The following DMXL1 variants were observed in gnomAD, a reference collection of about 807,000 sequenced individuals.
DMXL1 encodes Dmx like 1.
Under a neutral mutation model 319.2 loss-of-function variants are expected in DMXL1, and 99 were observed. The observed-to-expected ratio is 0.31, with a 90% CI of 0.26 to 0.37. DMXL1 has a LOEUF of 0.37. Among genes scored for constraint, DMXL1 ranks in the 10% least tolerant of loss-of-function variants. The pLI is 1.00. For synonymous variants in DMXL1, 1,385 were observed against 1,235.2 expected (o/e 1.12, Z -2.54); for missense variants, 3,745 against 3,595.6 (o/e 1.04, Z -1.06).
intron 5 of DMXL1, among the ~76,000 whole-genome samples, chr5:119,111,632 T>A: frequency 6.6e-6 from 1 of 152,166 alleles, no homozygotes; most frequent in Non-Finnish European, 1.5e-5. Context: ...TCTAACCGTA[T>A]CAATAAAACA....
Position 119,216,963 on chromosome 5 carries a change from C to T in DMXL1, c.7989C>T (p.Ile2663=). Residue 2663 remains isoleucine (I), a synonymous_variant, in exon 35 of 44, where the codon ATC becomes ATT. Transcript: ENST00000539542. ...KARIIHKESD[I]ITAFAVNKAN... Reference sequence around the variant, plus strand: ...GAATTATTCATAAGGAATCTGATATCATTACTGCGTTTGCTGTTAATAAGG... The same window carrying T: ...GAATTATTCATAAGGAATCTGATATTATTACTGCGTTTGCTGTTAATAAGG... The T allele has an allele frequency of 1.3e-6, 2 of 1,594,410 alleles. No individual in the cohort carries two copies. Among genetic ancestry groups the T allele is most frequent in the Non-Finnish European group, 1.7e-6 (2 of 1,169,128 alleles).
intron 25 of DMXL1, among the ~76,000 whole-genome samples, chr5:119,174,705 TGTTTAGA>T (rs1478313871): frequency 6.6e-6 from 1 of 152,246 alleles, no homozygotes; most frequent in Non-Finnish European, 1.5e-5. Context: ...TGCCATGCCA[TGTTTAGA>T]GTCTTCTCTT....
At position 119,116,262 on chromosome 5, in the gene DMXL1, T is replaced by C. The variant is rs371015640; in HGVS notation, c.669T>C (p.Phe223=). 2.5e-6 allele frequency: 4 copies of C among 1,614,138 alleles called. No homozygotes were observed. The highest frequency in any genetic ancestry group is 3.4e-6 in the Non-Finnish European group (4 of 1,180,008). ...AACAATCCCAAGGAGAAATTGACTTTTCTTTTGTGTATCTGGCCCATCCTC... is the reference window on the plus strand; with the variant it reads ...AACAATCCCAAGGAGAAATTGACTTCTCTTTTGTGTATCTGGCCCATCCTC... ...SEKQSQGEID[F]SFVYLAHPRA... Residue 223 remains phenylalanine, a synonymous_variant, in exon 7 of 44, where the codon TTT becomes TTC. Coordinates refer to ENST00000539542, the MANE Select transcript of DMXL1 (RefSeq NM_001290321.3).
chr5:119,144,676 T>A, intron 15 of DMXL1, 38 bp downstream of exon 15: 1 of 1,302,944 alleles, frequency 7.7e-7, no homozygotes, highest in South Asian at 1.4e-5. Flanking sequence ...AAATACTATG[T>A]ACAGTATGTT....
At chr5:119,173,740 A>G (rs1300269684) in intron 25 of DMXL1, among the ~76,000 whole-genome samples, 2 of 123,100 alleles carry the variant, frequency 1.6e-5, no homozygotes, top group African/African-American at 6.6e-5. Context: ...ATGTGTGTAT[A>G]TATATATGTG....
At chr5:119,198,269 G>A (rs778924445) in intron 32 of DMXL1, among the ~76,000 whole-genome samples, 4 of 152,166 alleles carry the variant, frequency 2.6e-5, no homozygotes, top group Non-Finnish European at 5.9e-5. Context: ...GATTACAGGC[G>A]TGAGCCACCG....
intron 40 of DMXL1, among the ~76,000 whole-genome samples, chr5:119,237,663 A>G (rs1788003443): frequency 6.6e-6 from 1 of 152,016 alleles, no homozygotes; most frequent in Non-Finnish European, 1.5e-5. Flanking sequence ...AGATACCTAT[A>G]CATCTTGTGG....
intron 2 of DMXL1, 57 bp downstream of exon 2, chr5:119,098,161 A>G (rs1756411016): frequency 1.3e-6 from 2 of 1,547,578 alleles, no homozygotes; most frequent in South Asian, 1.2e-5. Context: ...TTGTCAGGAT[A>G]ATCTCTGAAG....
intron 28 of DMXL1, among the ~76,000 whole-genome samples, chr5:119,188,629 GAAA>G (rs1581223421): frequency 6.6e-6 from 1 of 152,070 alleles, no homozygotes; most frequent in East Asian, 1.9e-4. Flanking sequence ...TAAGAACAAA[GAAA>G]AAAATTTGCA....
intron 26 of DMXL1, 88 bp downstream of exon 26, chr5:119,175,425 AAC>A (rs1284422075): frequency 1.5e-5 from 14 of 934,982 alleles, no homozygotes; most frequent in African/African-American, 1.0e-4. Flanking sequence ...AACTATATAT[AAC>A]AGTCTTTTAA....
chr5:119,193,843 T>C lies in DMXL1; in HGVS notation c.7330T>C (p.Ser2444Pro). Residue 2444 changes from serine to proline, a missense_variant, in exon 30 of 44, where the codon TCT becomes CCT. Around this residue, in one of 4 missense-constraint regions of DMXL1, gnomAD observed 1,382 missense variants for 1,269.5 expected, o/e 1.09. Transcript: ENST00000539542. ...TTTATTTTAGCCTTTTCTACCCTCT[T>C]CTCAAAGTAGAGCCGAATATGATTC... is the stretch of plus-strand genomic sequence containing the variant. The part of the protein sequence containing the change: ...YFIAKPFLPS[S>P]QSRAEYDSEE... The C allele has an allele frequency of 6.2e-7, 1 of 1,612,598 alleles. No homozygotes were observed. Among genetic ancestry groups the C allele is most frequent in the Non-Finnish European group, 8.5e-7 (1 of 1,179,474 alleles).
chr5:119,229,921 T>C (rs1786351650), intron 38 of DMXL1, among the ~76,000 whole-genome samples: 2 of 152,318 alleles, frequency 1.3e-5, no homozygotes, highest in South Asian at 4.1e-4. Context: ...AATATCTTTA[T>C]TCTTCTGCAA....
chr5:119,086,296 G>A (rs561188647), intron 1 of DMXL1, among the ~76,000 whole-genome samples: 4 of 152,128 alleles, frequency 2.6e-5, no homozygotes, highest in Non-Finnish European at 4.4e-5. Context: ...CACAACACAT[G>A]GAAATTATGG....
chr5:119,195,723 AT>A (rs1225470853), intron 30 of DMXL1, among the ~76,000 whole-genome samples: 1 of 152,150 alleles, frequency 6.6e-6, no homozygotes, highest in African/African-American at 2.4e-5. Context: ...AAAATGGTAA[AT>A]TTTATGTTTT....
rs558476054 is a variant in DMXL1, at chr5:119,103,144, A to G, written c.285+1138A>G. On this transcript the variant is annotated intron_variant, in intron 3 of 43. Transcript: ENST00000539542. Reference sequence around the variant, plus strand: ...ATTGGGAGTCATAGGACTGGTTTCTATTTCTGGGTCTATCTAGCTAGTTGG... The same window carrying G: ...ATTGGGAGTCATAGGACTGGTTTCTGTTTCTGGGTCTATCTAGCTAGTTGG... 5.0e-4 allele frequency among the ~76,000 whole-genome samples: 75 copies of G among 150,912 alleles called. 1 individual carries two copies. The highest frequency in any genetic ancestry group is 1.8e-3 in the African/African-American group (72 of 41,022).
At chr5:119,215,370 C>T (rs1783497740) in intron 34 of DMXL1, among the ~76,000 whole-genome samples, 2 of 151,926 alleles carry the variant, frequency 1.3e-5, no homozygotes, top group African/African-American at 4.8e-5. Flanking sequence ...TACAATGGCT[C>T]GATCTTGGCT....
chr5:119,217,491 G>C (rs1230732291), intron 35 of DMXL1, among the ~76,000 whole-genome samples: 2 of 152,058 alleles, frequency 1.3e-5, no homozygotes, highest in African/African-American at 4.8e-5. Context: ...GTGGCCTTAG[G>C]TACTATAGTC....
intron 8 of DMXL1, among the ~76,000 whole-genome samples, chr5:119,119,528 C>T (rs1761564713): frequency 6.7e-6 from 1 of 150,366 alleles, no homozygotes; most frequent in African/African-American, 2.5e-5. Context: ...AATACAGATT[C>T]TTCCAATTTT....
intron 17 of DMXL1, among the ~76,000 whole-genome samples, chr5:119,148,196 G>A (rs1421140466): frequency 2.0e-5 from 3 of 152,140 alleles, no homozygotes; most frequent in Non-Finnish European, 2.9e-5. Context: ...CAATCATGAA[G>A]GGCCCTGTAA....
Sources: gnomAD v4.1 joint callset for allele counts (sites outside exome capture counted in the v4.1 genomes callset) on GRCh38, gnomAD v4.1.1 for gene constraint, gnomAD v4.1.1 regional missense constraint, MANE v1.5 for transcripts, NCBI Gene and HGNC (gene_info 2026-07-23, HGNC 2026-07-21) for gene names.